Variants in METTL21A observed in about 807,000 individuals in gnomAD.
METTL21A encodes protein N-lysine methyltransferase METTL21A.
Under a neutral mutation model 20.9 loss-of-function variants are expected in METTL21A, and 22 were observed. The ratio of observed to expected loss-of-function variants is 1.05; its 90% CI spans 0.75 to 1.50. The LOEUF (loss-of-function observed/expected upper bound fraction) is 1.50. METTL21A is among the 40% of genes most tolerant of loss of function. The pLI, the probability that METTL21A is intolerant of heterozygous loss-of-function variation, is 0.00. For synonymous variants in METTL21A, 93 were observed against 102.0 expected, an observed-to-expected ratio of 0.91 and a Z score of 0.53; for missense variants, 271 against 266.8, an observed-to-expected ratio of 1.02 and a Z score of -0.11.
chr2:207,601,469 A>T (rs906551104), intron 3 of METTL21A: 5 of 192,302 alleles, frequency 2.6e-5, no homozygotes, highest in Non-Finnish European at 5.4e-5. Context: ...TAGCCCAGTT[A>T]ATTAAAAGAC....
chr2:207,625,269 C>A (rs992561072), exon 1 of METTL21A: 2 of 152,126 alleles, frequency 1.3e-5, no homozygotes, highest in Non-Finnish European at 2.9e-5. Context: ...ACTTACGGCC[C>A]GGGAGGCGGT....
chr2:207,587,348 G>A (rs1483004538), intron 3 of METTL21A, among the ~76,000 whole-genome samples: 4 of 148,788 alleles, frequency 2.7e-5, no homozygotes, highest in African/African-American at 5.0e-5. Flanking sequence ...AGCCGAGATC[G>A]CACCACCGCA....
Position 207,598,486 on chromosome 2 carries a change from TAAAAAAA to T in METTL21A, c.260-16333_260-16327del, listed in dbSNP as rs143222694. Reference sequence around the variant, plus strand: ...GCTCGATAAATCTAACAGTTACTCTTAAAAAAAAAAAAAAAAGACTAAGGTGGATTTT... The same window carrying T: ...GCTCGATAAATCTAACAGTTACTCTTAAAAAAAAAGACTAAGGTGGATTTT... On this transcript the variant is annotated intron_variant, in intron 3 of 3. Coordinates refer to the METTL21A transcript ENST00000425132. The T allele has an allele frequency of 1.3e-3, 223 of 169,120 alleles. 1 individual carries two copies. Among genetic ancestry groups the T allele is most frequent in the African/African-American group, 4.9e-3 (202 of 40,834 alleles). 10.5% of individuals were successfully genotyped at this position (169,120 alleles called of 1,614,324 possible).
intron 3 of METTL21A, chr2:207,597,331 T>C (rs1302462003): frequency 5.8e-6 from 2 of 343,600 alleles, no homozygotes; most frequent in Non-Finnish European, 1.0e-5. Flanking sequence ...CAAGAAGTAA[T>C]AATTTGTTTA....
chr2:207,588,748 T>G (rs201350738), intron 3 of METTL21A, among the ~76,000 whole-genome samples: 199 of 142,214 alleles, frequency 1.4e-3, no homozygotes, highest in Admixed American at 3.6e-3. Context: ...TTTTTGTGTG[T>G]GGGGGTGGGG....
chr2:207,607,867 A>G (rs1204238191), downstream of METTL21A, among the ~76,000 whole-genome samples: 2 of 151,864 alleles, frequency 1.3e-5, no homozygotes, highest in Admixed American at 6.6e-5. Context: ...AAGCACACTT[A>G]AAATGTACAT....
intron 3 of METTL21A, among the ~76,000 whole-genome samples, chr2:207,618,755 T>C (rs2090110914): frequency 6.7e-6 from 1 of 150,118 alleles, no homozygotes; most frequent in African/African-American, 2.4e-5. Context: ...TCTCTCTCTC[T>C]CTCTAAAAAA....
chr2:207,581,288 TAA>T (rs1260399027), downstream of METTL21A: 6 of 196,522 alleles, frequency 3.1e-5, no homozygotes, highest in Non-Finnish European at 6.3e-5. Context: ...TGAAAAATTC[TAA>T]AAAAATTAAA....
At chr2:207,595,942 CTATT>C (rs2086074455) in intron 3 of METTL21A, among the ~76,000 whole-genome samples, 1 of 152,142 alleles carries the variant, frequency 6.6e-6, no homozygotes. Context: ...TGCCTTTTCA[CTATT>C]TATTGTCTTT....
At chr2:207,624,847 C>A (rs1328533551) in intron 1 of METTL21A, 1 of 152,518 alleles carries the variant, frequency 6.6e-6, no homozygotes, top group Non-Finnish European at 1.5e-5. Flanking sequence ...CCCACCTCCC[C>A]TCCTCCATCG....
chr2:207,618,895 A>G (rs189573476), intron 3 of METTL21A, among the ~76,000 whole-genome samples: 95 of 152,258 alleles, frequency 6.2e-4, no homozygotes, highest in Non-Finnish European at 1.1e-3. Context: ...GGAGATTTTC[A>G]AACTAAGAAC....
exon 2 of METTL21A, chr2:207,624,356 T>C: frequency 6.2e-7 from 1 of 1,613,680 alleles, no homozygotes. Flanking sequence ...CGTGGTCTCC[T>C]CATAGGGCAC....
intron 3 of METTL21A, chr2:207,603,406 T>C (rs1231370810): frequency 4.5e-6 from 1 of 224,672 alleles, no homozygotes; most frequent in African/African-American, 2.2e-5. Flanking sequence ...TTATGTGCAG[T>C]CACATAAACA....
At chr2:207,617,282 A>G (rs1307572037) in intron 3 of METTL21A, among the ~76,000 whole-genome samples, 1 of 152,220 alleles carries the variant, frequency 6.6e-6, no homozygotes, top group African/African-American at 2.4e-5. Context: ...ACACATAAAC[A>G]CAGTTGTGAT....
chr2:207,591,606 T>C (rs1559074616), intron 3 of METTL21A, among the ~76,000 whole-genome samples: 4 of 152,178 alleles, frequency 2.6e-5, no homozygotes, highest in African/African-American at 9.7e-5. Context: ...CTAATTTTTG[T>C]ATTTTTAGTA....
intron 3 of METTL21A, among the ~76,000 whole-genome samples, chr2:207,596,588 C>T (rs1007794104): frequency 6.6e-6 from 1 of 152,196 alleles, no homozygotes; most frequent in East Asian, 1.9e-4. Context: ...CATGTGCCGC[C>T]ACACCCCGCT....
downstream of METTL21A, chr2:207,612,529 CAACTA>C: frequency 6.6e-6 from 1 of 152,192 alleles, no homozygotes; most frequent in Middle Eastern, 3.4e-3. Flanking sequence ...ATATCCTACT[CAACTA>C]AAAGTGTTTA....
intron 3 of METTL21A, among the ~76,000 whole-genome samples, chr2:207,587,629 C>T (rs1236223990): frequency 6.6e-6 from 1 of 152,120 alleles, no homozygotes; most frequent in Non-Finnish European, 1.5e-5. Context: ...AATGAAAATA[C>T]ATCATTTGTG....
At chr2:207,581,677 G>C (rs2082975476), downstream of METTL21A, 1 of 499,392 alleles carries the variant, frequency 2.0e-6, no homozygotes, top group African/African-American at 2.0e-5. Context: ...CCTTCATCCA[G>C]CTTTCTCTAA....
Sources: allele counts gnomAD v4.1 joint callset (sites outside exome capture counted in the v4.1 genomes callset), GRCh38; gene constraint gnomAD v4.1.1; transcripts MANE v1.5; gene names NCBI Gene and HGNC (gene_info 2026-07-23, HGNC 2026-07-21).